The following CHST15 variants were observed in gnomAD, a reference collection of about 807,000 sequenced individuals.
CHST15 encodes B cell RAG associated protein (GALNAC4S-6ST).
In CHST15, 30 loss-of-function variants were observed where a neutral mutation model predicts 53.6. The observed-to-expected ratio is 0.56, with a 90% CI of 0.42 to 0.76. The LOEUF (loss-of-function observed/expected upper bound fraction) is 0.76, where lower values mean the gene tolerates loss of function less well. Among genes scored for constraint, CHST15 ranks in the 30% least tolerant of loss-of-function variants. The pLI is 0.00. For missense variants in CHST15, 627 were observed against 740.5 expected, an observed-to-expected ratio of 0.85 and a Z score of 1.78; for synonymous variants, 296 against 289.8, an observed-to-expected ratio of 1.02 and a Z score of -0.22.
chr10:124,060,400 G>C (rs956812577), intron 1 of CHST15, among the ~76,000 whole-genome samples: 2 of 150,630 alleles, frequency 1.3e-5, no homozygotes, highest in Non-Finnish European at 3.0e-5. Context: ...GGCCCCCCAG[G>C]GGTGTGTGGA....
rs541605068 is a variant in CHST15, at chr10:124,075,789, T to C, written c.-513+17680A>G. ...CCACTGGCAAAGGGGAAAGGGCAAC[T>C]CTGAGTCTGGGCCAGCCTGCAGGGA... On this transcript the variant is annotated intron_variant, in intron 1 of 7. Coordinates refer to ENST00000435907, the MANE Select transcript of CHST15 (RefSeq NM_001270764.2). 9.2e-5 allele frequency among the ~76,000 whole-genome samples: 14 copies of C among 152,276 alleles called. No individual in the cohort carries two copies. The East Asian group carries it at 2.7e-3, about 29-fold the overall frequency.
chr10:124,023,083 CCTA>C (rs1472340867), intron 5 of CHST15, among the ~76,000 whole-genome samples: 1 of 151,896 alleles, frequency 6.6e-6, no homozygotes, highest in Non-Finnish European at 1.5e-5. Context: ...CTTTAAAATC[CCTA>C]CTTTTCCTAG....
intron 5 of CHST15, among the ~76,000 whole-genome samples, chr10:124,034,005 T>C (rs1000264181): frequency 3.9e-5 from 6 of 152,222 alleles, no homozygotes; most frequent in Non-Finnish European, 8.8e-5. Context: ...CACACGCTGC[T>C]GCCCTGGCAT....
chr10:124,033,999 C>T (rs774391007), intron 5 of CHST15, among the ~76,000 whole-genome samples: 4 of 152,228 alleles, frequency 2.6e-5, no homozygotes, highest in African/African-American at 4.8e-5. Flanking sequence ...TCCTAACACA[C>T]GCTGCTGCCC....
chr10:124,037,942 C>T (rs1289531814), intron 5 of CHST15, among the ~76,000 whole-genome samples: 2 of 152,220 alleles, frequency 1.3e-5, no homozygotes, highest in African/African-American at 4.8e-5. Flanking sequence ...TCCTGTGCCC[C>T]TGGTCAGGCC....
chr10:124,069,330 T>G (rs1176737984), intron 1 of CHST15, among the ~76,000 whole-genome samples: 1 of 151,558 alleles, frequency 6.6e-6, no homozygotes, highest in East Asian at 1.9e-4. Flanking sequence ...AATTCAAGAG[T>G]CTTGCAAAGT....
Position 124,066,377 on chromosome 10 carries a change from C to T in CHST15, c.-512-19653G>A, listed in dbSNP as rs528273131. ...ACCCAGGGCTGTCTCTCTCCACCAC[C>T]GCCAAGACGTGTTCTGTCACTGCTT... On this transcript the variant is annotated intron_variant, in intron 1 of 7. Coordinates refer to ENST00000435907, the MANE Select transcript of CHST15 (RefSeq NM_001270764.2). Among the ~76,000 whole-genome samples the T allele has an allele frequency of 6.6e-5, 10 of 152,214 alleles. No individual in the cohort carries two copies. In the East Asian group the frequency reaches 1.7e-3, roughly 26 times the overall value.
At chr10:124,049,694 C>T (rs1266799693) in intron 1 of CHST15, among the ~76,000 whole-genome samples, 3 of 152,242 alleles carry the variant, frequency 2.0e-5, no homozygotes, top group Non-Finnish European at 4.4e-5. Flanking sequence ...CCATGCGTCT[C>T]ATCTGCTGGC....
chr10:124,025,254 C>A (rs763482481), intron 5 of CHST15, among the ~76,000 whole-genome samples: 21 of 152,200 alleles, frequency 1.4e-4, no homozygotes, highest in Non-Finnish European at 2.9e-4. Context: ...ACCTACTGTT[C>A]CAACCAGGCA....
intron 7 of CHST15, chr10:124,011,028 C>G (rs1034860446): frequency 8.1e-6 from 8 of 985,014 alleles, no homozygotes; most frequent in Non-Finnish European, 9.6e-6. Context: ...GTCACCGCCA[C>G]GCCCCGCCCT....
At chr10:124,077,336 A>T (rs1239106721) in intron 1 of CHST15, among the ~76,000 whole-genome samples, 3 of 152,184 alleles carry the variant, frequency 2.0e-5, no homozygotes, top group African/African-American at 7.2e-5. Flanking sequence ...CATAAGTCTG[A>T]TCTCGAACAG....
chr10:124,008,394 C>T lies in CHST15; in HGVS notation c.*1755G>A. 1 of 1,001,192 alleles carries T rather than the reference C, an allele frequency of 1.0e-6. No individual in the cohort carries two copies. The highest frequency in any genetic ancestry group is 1.7e-5 in the African/African-American group (1 of 57,974). 62.0% of individuals were successfully genotyped at this position (1,001,192 alleles called of 1,614,324 possible). Reference sequence around the variant, plus strand: ...TACTGCAAATAAATATACACACACACTGAAGTGATCTCTCCCTAAAGCATC... The same window carrying T: ...TACTGCAAATAAATATACACACACATTGAAGTGATCTCTCCCTAAAGCATC... On this transcript the variant is annotated 3_prime_UTR_variant, in exon 8 of 8. Transcript: ENST00000435907.
Position 124,010,266 on chromosome 10 carries a change from C to G in CHST15, c.1569G>C (p.Arg523=). 6.2e-7 allele frequency: 1 copy of G among 1,614,002 alleles called. No homozygotes were observed. The highest frequency in any genetic ancestry group is 8.5e-7 in the Non-Finnish European group (1 of 1,179,964). Residue 523 remains arginine, a synonymous_variant, in exon 8 of 8, where the codon CGG becomes CGC. Transcript: ENST00000435907. ...TGATGGGCCACATGGGCCCCAGGTT[C>G]CGGTCCTCGGGACGCCGTGCATTGG... is the stretch of plus-strand genomic sequence containing the variant. ...PASNARRPED[R]NLGPMWPITQ... is the part of the protein sequence containing the mutation.
At position 124,008,211 on chromosome 10, in the gene CHST15, A is replaced by G. The variant is rs921656902; in HGVS notation, c.*1938T>C. On this transcript the variant is annotated 3_prime_UTR_variant, in exon 8 of 8. Coordinates refer to ENST00000435907, the MANE Select transcript of CHST15 (RefSeq NM_001270764.2). ...GTAATTATGGTTGGTGTGGAATAGT[A>G]AAATATGTACTGAAAATGACAAGTT... 8.2e-6 allele frequency: 10 copies of G among 1,226,380 alleles called. No individual in the cohort carries two copies. In the African/African-American group the frequency reaches 1.6e-4, roughly 19 times the overall value. The allele number at this position is 1,226,380 out of a possible 1,614,324, so 76.0% of individuals were successfully genotyped here.
At chr10:124,088,607 T>TC (rs1417487139) in intron 1 of CHST15, among the ~76,000 whole-genome samples, 92 of 152,192 alleles carry the variant, frequency 6.0e-4, no homozygotes, top group African/African-American at 2.0e-3. Flanking sequence ...TCCCAATCCC[T>TC]CCTCCTGCAC....
intron 5 of CHST15, among the ~76,000 whole-genome samples, chr10:124,026,043 A>T (rs1590205301): frequency 6.6e-6 from 1 of 152,200 alleles, no homozygotes; most frequent in Non-Finnish European, 1.5e-5. Context: ...GACAGATTTT[A>T]AACCCCAATT....
At chr10:124,021,104 A>G in intron 6 of CHST15, 152 bp downstream of exon 6, 1 of 1,494,304 alleles carries the variant, frequency 6.7e-7, no homozygotes, top group South Asian at 1.3e-5. Flanking sequence ...TTTTACATCC[A>G]TGAATAATGG....
At chr10:124,020,087 G>C (rs1946721392) in intron 6 of CHST15, 1 of 985,652 alleles carries the variant, frequency 1.0e-6, no homozygotes, top group Admixed American at 6.1e-5. Context: ...GCACAGGAAG[G>C]CAAGGACCAC....
intron 1 of CHST15, among the ~76,000 whole-genome samples, chr10:124,073,943 G>T (rs1404910829): frequency 1.3e-5 from 2 of 152,322 alleles, no homozygotes; most frequent in East Asian, 3.9e-4. Context: ...CGGCCAGGAG[G>T]CTGTAGATCT....
Sources: allele counts gnomAD v4.1 joint callset (sites outside exome capture counted in the v4.1 genomes callset), GRCh38; gene constraint gnomAD v4.1.1; transcripts MANE v1.5; gene names NCBI Gene and HGNC (gene_info 2026-07-23, HGNC 2026-07-21).